The following PRAM1 variants were observed in gnomAD, a reference collection of about 807,000 sequenced individuals.
The protein encoded by PRAM1 is PML-RARA regulated adaptor molecule 1.
PRAM1 carries 41 observed loss-of-function variants against 55.3 expected under a neutral mutation model. The observed-to-expected ratio is 0.74, with a 90% CI of 0.58 to 0.96. The LOEUF is 0.96. Among genes scored for constraint, PRAM1 ranks in the 40% least tolerant of loss-of-function variants. The pLI is 0.00. For missense variants in PRAM1, 898 were observed against 892.7 expected (o/e 1.01, Z -0.08); for synonymous variants, 401 against 387.1 (o/e 1.04, Z -0.42).
In PRAM1 at chr19:8,497,809, C is replaced by T. The variant is rs761767348; in HGVS notation, c.1531G>A (p.Asp511Asn). Residue 511 changes from aspartate to asparagine, a missense_variant, in exon 4 of 10, where the codon GAT becomes AAT. Asp to Asn is a conservative substitution (Grantham distance 23, BLOSUM62 1). Coordinates refer to ENST00000423345, the MANE Select transcript of PRAM1 (RefSeq NM_032152.5). The part of the protein sequence containing the change: ...VPDEIYELYD[D>N]VEPRDDSSPS... ...CTGGAGTCATCTCTGGGTTCCACAT[C>T]GTCATACAGCTCGTAGATCTCATCT... The T allele has an allele frequency of 2.5e-5, 40 of 1,610,984 alleles. No homozygotes were observed. In the East Asian group the frequency reaches 2.7e-4, roughly 11 times the overall value.
At position 8,490,580 on chromosome 19, in the gene PRAM1, C is replaced by A; in HGVS notation, c.1906+14G>T. ...GCGGGGACCTCCCGGGGCTGCGGGG[C>A]CGGGCGCACTCACATTTGCCTTTGG... On this transcript the variant is annotated intron_variant, in intron 7 of 9. Coordinates refer to ENST00000423345, the MANE Select transcript of PRAM1 (RefSeq NM_032152.5). The surrounding 1 kb of genome is among the most constrained non-coding windows in gnomAD (Gnocchi z 7.3). 6.3e-7 allele frequency: 1 copy of A among 1,588,260 alleles called. No homozygotes were observed.
chr19:8,490,911 C>T lies in PRAM1; in HGVS notation c.1719G>A (p.Glu573=), dbSNP rs1376118078. 1 of 1,613,726 alleles carries T rather than the reference C, an allele frequency of 6.2e-7. No individual in the cohort carries two copies. Among genetic ancestry groups the T allele is most frequent in the Non-Finnish European group, 8.5e-7 (1 of 1,179,892 alleles). The change falls in exon 6 of 10, where the codon GAG becomes GAA. Residue 573 remains glutamate (E), a synonymous_variant. Transcript: ENST00000423345. This position sits in a 1 kb window ranked among gnomAD's most constrained non-coding sequence, Gnocchi z 7.3. ...CCTTGAACTTCTTCCGGAACTCCCT[C>T]TCGGCCTTCTCTGCCTTCCTCAGCT... is the stretch of plus-strand genomic sequence containing the variant. ...LKQLRKAEKA[E]REFRKKFKFE...
rs1488375380 is a variant in PRAM1, at chr19:8,498,275, G to A, written c.1447C>T (p.Arg483Cys). Residue 483 changes from arginine to cysteine, a missense_variant, in exon 3 of 10, where the codon CGC becomes TGC. Physicochemically the swap from Arg to Cys is radical, Grantham distance 180. Transcript: ENST00000423345. ...SAASIDLRRT[R>C]SAAGLHFQDR... Reference sequence around the variant, plus strand: ...TGGAAGTGGAGCCCAGCGGCCGAGCGGGTCCTCCGTAGATCTGTGGGGTAG... The same window carrying A: ...TGGAAGTGGAGCCCAGCGGCCGAGCAGGTCCTCCGTAGATCTGTGGGGTAG... 2.5e-6 allele frequency: 4 copies of A among 1,612,478 alleles called. No individual in the cohort carries two copies. The highest frequency in any genetic ancestry group is 2.2e-5 in the East Asian group (1 of 44,870).
intron 4 of PRAM1, among the ~76,000 whole-genome samples, chr19:8,495,261 G>A (rs182928615): frequency 5.6e-4 from 85 of 152,126 alleles, no homozygotes; most frequent in African/African-American, 1.9e-3. Flanking sequence ...CACCACACCT[G>A]GCGAATTTTT....
rs753057605 is a variant in PRAM1, at chr19:8,502,160, A to G, written c.27+405T>C. On this transcript the variant is annotated intron_variant, in intron 1 of 9. Transcript: ENST00000423345. The stretch of plus-strand genomic sequence containing the variant: ...TGCTCCCGGGCGACCACAGGGCTAG[A>G]TAAGTCAGGGTTAGCAGGTCACAAC... Among the ~76,000 whole-genome samples, 4 of 152,162 alleles carry G rather than the reference A, an allele frequency of 2.6e-5. No homozygotes were observed. The South Asian group carries it at 6.2e-4, about 24-fold the overall frequency.
At chr19:8,498,022 C>T (rs924394221) in intron 3 of PRAM1, among the ~76,000 whole-genome samples, 182 bp from the exon 4 acceptor site, 2 of 151,900 alleles carry the variant, frequency 1.3e-5, no homozygotes, top group Non-Finnish European at 2.9e-5. Context: ...GCTGGGATTA[C>T]AGGTGCCCCC....
At position 8,498,925 on chromosome 19, in the gene PRAM1, T is replaced by C. The variant is rs1445040815; in HGVS notation, c.883A>G (p.Arg295Gly). The change falls in exon 2 of 10, where the codon AGG (arginine) becomes GGG (glycine). Residue 295 changes from arginine to glycine, a missense_variant. By Grantham distance (125) the Arg-to-Gly change is moderately radical (BLOSUM62 -2). This residue lies in a region of PRAM1 where 787 missense variants were observed against 735.4 expected (regional missense o/e 1.07). Coordinates refer to ENST00000423345, the MANE Select transcript of PRAM1 (RefSeq NM_032152.5). ...CTGACTTCGGGCTCTGAGGAGGTCC[T>C]GGTGAGGTCCCCAAGCTCAGGCTGC... ...PPQPELGDLT[R>G]TSSEPEVSVL... 6.2e-7 allele frequency: 1 copy of C among 1,613,512 alleles called. No individual in the cohort carries two copies. Among genetic ancestry groups the C allele is most frequent in the African/African-American group, 1.3e-5 (1 of 74,828 alleles).
At position 8,490,078 on chromosome 19, in the gene PRAM1, T is replaced by G. The variant is rs1457830118; in HGVS notation, c.*111A>C. 1 of 1,068,344 alleles carries G rather than the reference T, an allele frequency of 9.4e-7. No individual in the cohort carries two copies. The highest frequency in any genetic ancestry group is 1.3e-6 in the Non-Finnish European group (1 of 753,442). 66.2% of individuals were successfully genotyped at this position (1,068,344 alleles called of 1,614,324 possible). On this transcript the variant is annotated 3_prime_UTR_variant, in exon 10 of 10. Transcript: ENST00000423345. The surrounding 1 kb of genome is among the most constrained non-coding windows in gnomAD (Gnocchi z 7.3). ...GACTGCTTTAAACTGGGGCTTTATGTGGCCAGGTACAAGCCCAGGCAGCTC... is the reference window on the plus strand; with the variant it reads ...GACTGCTTTAAACTGGGGCTTTATGGGGCCAGGTACAAGCCCAGGCAGCTC...
In PRAM1 at chr19:8,491,107, C is replaced by G. The variant is rs749046246; in HGVS notation, c.1627G>C (p.Ala543Pro). The change falls in exon 5 of 10, where the codon GCG becomes CCG. Residue 543 changes from alanine (A) to proline (P), a missense_variant. Coordinates refer to ENST00000423345, the MANE Select transcript of PRAM1 (RefSeq NM_032152.5). ...QAARRPPQDP[A>P]LRKEKDPQPQ... is the part of the protein sequence containing the mutation. ...CCCCTCTGCCCATGGCACCTGAGCG[C>G]TGGGTCTTGTGGTGGCCTCCTGGCG... 2.4e-5 allele frequency: 38 copies of G among 1,612,250 alleles called. No homozygotes were observed. Among genetic ancestry groups the G allele is most frequent in the Admixed American group, 3.3e-5 (2 of 59,994 alleles).
At chr19:8,496,124 A>G (rs779052564) in intron 4 of PRAM1, 11 of 455,838 alleles carry the variant, frequency 2.4e-5, no homozygotes, top group South Asian at 1.7e-4. Flanking sequence ...CAACAGGTCT[A>G]AGTAAATCAG....
chr19:8,499,401 G>GC lies in PRAM1; in HGVS notation c.406dup (p.Ala136GlyfsTer12). The GC allele has an allele frequency of 6.2e-7, 1 of 1,612,654 alleles. No individual in the cohort carries two copies. ...CAGGGGCTTCCTTGGAAACGGAGTG[G>GC]CCCCCAGCTGTGGGAACTTCTTGGA... On this transcript the variant is annotated frameshift_variant, in exon 2 of 10. Transcript: ENST00000423345. LOFTEE classifies it high-confidence loss of function.
chr19:8,495,274 AT>A (rs1420520726), intron 4 of PRAM1, among the ~76,000 whole-genome samples: 1 of 151,788 alleles, frequency 6.6e-6, no homozygotes, highest in East Asian at 2.0e-4. Context: ...GAATTTTTGT[AT>A]TTTTAGTAGA....
chr19:8,498,128 C>A, intron 3 of PRAM1, 95 bp downstream of exon 3: 1 of 1,351,934 alleles, frequency 7.4e-7, no homozygotes, highest in Non-Finnish European at 1.0e-6. Context: ...GATCCGCCCA[C>A]TTCAGCCTCC....
At chr19:8,497,173 CTTTTT>C (rs34873845) in intron 4 of PRAM1, among the ~76,000 whole-genome samples, 5 of 118,878 alleles carry the variant, frequency 4.2e-5, no homozygotes, top group Admixed American at 8.6e-5. Flanking sequence ...CCAAATCCTG[CTTTTT>C]TTTTTTTTTT....
chr19:8,497,097 C>T (rs536810757), intron 4 of PRAM1, among the ~76,000 whole-genome samples: 1 of 151,600 alleles, frequency 6.6e-6, no homozygotes, highest in Non-Finnish European at 1.5e-5. Context: ...ATCTTGTCGT[C>T]AACCCAGGGG....
At chr19:8,492,051 C>A (rs60806618) in intron 4 of PRAM1, 4,769 of 152,124 alleles carry the variant, frequency 0.031, 229 homozygotes, top group African/African-American at 0.1. Flanking sequence ...CCTCCCTCAA[C>A]CTCCCAAGTA....
Position 8,498,433 on chromosome 19 carries a change from GC to G in PRAM1, c.1374del (p.Leu459CysfsTer19). 6.3e-7 allele frequency: 1 copy of G among 1,579,606 alleles called. No individual in the cohort carries two copies. The highest frequency in any genetic ancestry group is 8.6e-7 in the Non-Finnish European group (1 of 1,162,104). ...SSLGHPPAKP[P>X]LPPGPVDMQS... is the part of the protein sequence containing the mutation. ...TGCATATCCACGGGCCCCGGGGGCA[GC>G]GGGGGCTTGGCTGGAGGGTGTCCCA... On this transcript the variant is annotated frameshift_variant, in exon 2 of 10. Transcript: ENST00000423345. LOFTEE classifies it high-confidence loss of function.
In PRAM1 at chr19:8,498,492, G is replaced by C. The variant is rs768485705; in HGVS notation, c.1316C>G (p.Pro439Arg). The C allele has an allele frequency of 6.3e-7, 1 of 1,595,122 alleles. No homozygotes were observed. ...ARPGLRPSHP[P>R]RRRPLPPASS... ...GGCAGGGGGCAGAGGCCTCCGCCGG[G>C]GTGGATGGCTGGGTCTGAGGCCTGG... Residue 439 changes from proline (P) to arginine (R), a missense_variant, in exon 2 of 10, where the codon CCC (proline) becomes CGC (arginine). Pro to Arg is a moderately radical substitution (Grantham distance 103). This residue lies in a region of PRAM1 where 787 missense variants were observed against 735.4 expected (regional missense o/e 1.07). Transcript: ENST00000423345.
rs772276285 is a variant in PRAM1 at position 8,498,726 on chromosome 19, T to C, written c.1082A>G (p.Glu361Gly). The C allele has an allele frequency of 1.3e-6, 2 of 1,587,222 alleles. No homozygotes were observed. The highest frequency in any genetic ancestry group is 1.3e-5 in the African/African-American group (1 of 74,172). ...GTGTCTCTTGAGGACAGCGCTGGGC[T>C]CAGGCTGTGAGAACTTGCGGGGTGG... ...RGPPRKFSQP[E>G]PSAVLKRHPQ... Residue 361 changes from glutamate (E) to glycine (G), a missense_variant, in exon 2 of 10, where the codon GAG becomes GGG. Physicochemically the swap from Glu to Gly is moderately conservative, Grantham distance 98. Around this residue, in one of 4 missense-constraint regions of PRAM1, gnomAD observed 787 missense variants for 735.4 expected, o/e 1.07. Coordinates refer to ENST00000423345, the MANE Select transcript of PRAM1 (RefSeq NM_032152.5).
Sources: gnomAD v4.1 joint callset for allele counts (sites outside exome capture counted in the v4.1 genomes callset) on GRCh38, gnomAD v4.1.1 for gene constraint, gnomAD v4.1.1 regional missense constraint, Gnocchi (gnomAD v3.1) non-coding constraint, MANE v1.5 for transcripts, NCBI Gene and HGNC (gene_info 2026-07-23, HGNC 2026-07-21) for gene names.